ST6GALNAC5: variants seen among roughly 807,000 people sequenced by gnomAD.
ST6GALNAC5 encodes alpha-N-acetylgalactosaminide alpha-2,6-sialyltransferase 5.
Under a neutral mutation model 33.6 loss-of-function variants are expected in ST6GALNAC5, and 27 were observed. That is an observed-to-expected ratio of 0.80 (90% CI 0.59 to 1.11). The LOEUF is 1.11. Ranked by LOEUF, ST6GALNAC5 falls within the 50% of genes least tolerant of loss-of-function variation. ST6GALNAC5 has a pLI of 0.00. For missense variants in ST6GALNAC5, 428 were observed against 454.0 expected (o/e 0.94, Z 0.52); for synonymous variants, 194 against 171.2 (o/e 1.13, Z -1.04).
chr1:76,995,026 T>A (rs1315013614), intron 2 of ST6GALNAC5, among the ~76,000 whole-genome samples: 1 of 152,130 alleles, frequency 6.6e-6, no homozygotes, highest in Non-Finnish European at 1.5e-5. Flanking sequence ...TCACCTTCCA[T>A]TGGTATAGAT....
chr1:77,056,328 T>C (rs139399447), intron 4 of ST6GALNAC5, among the ~76,000 whole-genome samples: 1,751 of 152,336 alleles, frequency 0.011, 18 homozygotes, highest in Non-Finnish European at 0.016. Flanking sequence ...TCATTTTCCA[T>C]TATAAATTAT....
At chr1:76,872,837 T>G (rs1054160090) in intron 2 of ST6GALNAC5, among the ~76,000 whole-genome samples, 6 of 152,176 alleles carry the variant, frequency 3.9e-5, no homozygotes, top group African/African-American at 1.4e-4. Flanking sequence ...AATCTGCCAA[T>G]GATGATGAAA....
intron 2 of ST6GALNAC5, among the ~76,000 whole-genome samples, chr1:76,987,933 G>A (rs964318169): frequency 6.6e-6 from 1 of 152,050 alleles, no homozygotes; most frequent in Non-Finnish European, 1.5e-5. Flanking sequence ...TAAAGCCAAG[G>A]AAGTTTTCTT....
At chr1:77,038,889 T>C (rs1651744444) in intron 2 of ST6GALNAC5, among the ~76,000 whole-genome samples, 1 of 152,180 alleles carries the variant, frequency 6.6e-6, no homozygotes, top group Non-Finnish European at 1.5e-5. Flanking sequence ...GTTTTTGTTG[T>C]TGTTGCTGGG....
chr1:77,063,903 G>A lies in ST6GALNAC5; in HGVS notation c.*697G>A, dbSNP rs1652684249. The A allele has an allele frequency of 6.6e-6, 1 of 152,596 alleles. No homozygotes were observed. The highest frequency in any genetic ancestry group is 1.5e-5 in the Non-Finnish European group (1 of 68,020). The allele number at this position is 152,596 out of a possible 1,614,324, so 9.5% of individuals were successfully genotyped here. A position where few individuals can be genotyped will look rare whatever the true frequency, so the allele number is the denominator to read the frequency against. On this transcript the variant is annotated 3_prime_UTR_variant, in exon 5 of 5. Coordinates refer to ENST00000477717, the MANE Select transcript of ST6GALNAC5 (RefSeq NM_030965.3). ...CATGCAATTGGTATTTGACTTGGAAGTGTTGTGTTGTATTTTTTGAACCCC... is the reference window on the plus strand; with the variant it reads ...CATGCAATTGGTATTTGACTTGGAAATGTTGTGTTGTATTTTTTGAACCCC...
chr1:76,906,468 C>G (rs1461857644), intron 2 of ST6GALNAC5, among the ~76,000 whole-genome samples: 2 of 152,076 alleles, frequency 1.3e-5, no homozygotes, highest in African/African-American at 4.8e-5. Context: ...TTTGAACTTC[C>G]TGATCAGATA....
rs577208820 is a variant in ST6GALNAC5, at chr1:76,925,678, A to G, written c.261+56936A>G. Among the ~76,000 whole-genome samples, 11 of 152,096 alleles carry G rather than the reference A, an allele frequency of 7.2e-5. No homozygotes were observed. The East Asian group carries it at 1.5e-3, about 21-fold the overall frequency. On this transcript the variant is annotated intron_variant, in intron 2 of 4. Transcript: ENST00000477717. ...CATAATGGATGATAATGTTTTAAATATATATATATACAAATAAAAACCGAG... is the reference window on the plus strand; with the variant it reads ...CATAATGGATGATAATGTTTTAAATGTATATATATACAAATAAAAACCGAG...
At position 76,951,886 on chromosome 1, in the gene ST6GALNAC5, T is replaced by C. The variant is rs1404685668; in HGVS notation, c.261+83144T>C. 7.9e-5 allele frequency among the ~76,000 whole-genome samples: 12 copies of C among 152,216 alleles called. 1 individual carries two copies. Among genetic ancestry groups the C allele is most frequent in the Non-Finnish European group, 1.5e-4 (10 of 67,998 alleles). ...GAATGAATATAGTCCCAAAATAATA[T>C]GGTTAGTATTTTTGGTTACCTTAGT... On this transcript the variant is annotated intron_variant, in intron 2 of 4. Coordinates refer to ENST00000477717, the MANE Select transcript of ST6GALNAC5 (RefSeq NM_030965.3).
chr1:76,967,535 C>T (rs908997480), intron 2 of ST6GALNAC5, among the ~76,000 whole-genome samples: 11 of 152,164 alleles, frequency 7.2e-5, no homozygotes, highest in African/African-American at 2.4e-4. Flanking sequence ...AAAAAATCAG[C>T]TCCTGAATTC....
chr1:76,886,250 T>C (rs1455399546), intron 2 of ST6GALNAC5, among the ~76,000 whole-genome samples: 3 of 148,060 alleles, frequency 2.0e-5, no homozygotes, highest in Non-Finnish European at 4.5e-5. Context: ...ATAAAACATT[T>C]TCTTTATCTT....
chr1:77,010,617 C>G (rs1291302165), intron 2 of ST6GALNAC5, among the ~76,000 whole-genome samples: 1 of 150,526 alleles, frequency 6.6e-6, no homozygotes, highest in Non-Finnish European at 1.5e-5. Flanking sequence ...AGTAGTCCCT[C>G]TCAGCCTGCG....
intron 2 of ST6GALNAC5, among the ~76,000 whole-genome samples, chr1:76,885,544 A>G (rs990054573): frequency 1.3e-4 from 20 of 152,202 alleles, no homozygotes; most frequent in Admixed American, 1.2e-3. Flanking sequence ...GCACGTGATC[A>G]GTGGTTTAAA....
At chr1:76,901,066 T>G (rs1331010116) in intron 2 of ST6GALNAC5, among the ~76,000 whole-genome samples, 1 of 152,184 alleles carries the variant, frequency 6.6e-6, no homozygotes, top group African/African-American at 2.4e-5. Context: ...CTTTAGAACT[T>G]AAAGATTGAG....
intron 2 of ST6GALNAC5, among the ~76,000 whole-genome samples, chr1:76,871,061 A>G (rs1292502365): frequency 1.3e-5 from 2 of 152,218 alleles, no homozygotes; most frequent in Admixed American, 6.5e-5. Flanking sequence ...AATGTTGTTT[A>G]TGTTCTCTCC....
At chr1:76,940,169 G>A (rs1522627) in intron 2 of ST6GALNAC5, among the ~76,000 whole-genome samples, 2,130 of 152,134 alleles carry the variant, frequency 0.014, 54 homozygotes, top group African/African-American at 0.048. Context: ...TACTGGACAC[G>A]ACTCTAAGTA....
At chr1:76,936,995 T>TGTGTGTG (rs1196422338) in intron 2 of ST6GALNAC5, among the ~76,000 whole-genome samples, 4 of 150,356 alleles carry the variant, frequency 2.7e-5, no homozygotes, top group Admixed American at 6.6e-5. Context: ...TGTGTATGTG[T>TGTGTGTG]TAGAAAGGGG....
At chr1:76,957,413 C>A (rs1297756581) in intron 2 of ST6GALNAC5, among the ~76,000 whole-genome samples, 2 of 152,144 alleles carry the variant, frequency 1.3e-5, no homozygotes, top group African/African-American at 4.8e-5. Context: ...TTAGGGCCCA[C>A]CCTAATTCAG....
chr1:76,869,487 A>G (rs1378851394), intron 2 of ST6GALNAC5, among the ~76,000 whole-genome samples: 2 of 152,206 alleles, frequency 1.3e-5, no homozygotes, highest in African/African-American at 4.8e-5. Context: ...GATTCTGAAG[A>G]TATTTTAATA....
intron 2 of ST6GALNAC5, among the ~76,000 whole-genome samples, chr1:76,914,286 A>G (rs1454519188): frequency 2.0e-5 from 3 of 152,166 alleles, no homozygotes; most frequent in Non-Finnish European, 4.4e-5. Context: ...TACAGATTCA[A>G]TGCCATCCCC....
Sources: allele counts gnomAD v4.1 joint callset (sites outside exome capture counted in the v4.1 genomes callset), GRCh38; gene constraint gnomAD v4.1.1; transcripts MANE v1.5; gene names NCBI Gene and HGNC (gene_info 2026-07-23, HGNC 2026-07-21).